NOL3: variants seen among roughly 807,000 people sequenced by gnomAD.
NOL3 encodes the protein nucleolar protein 3.
A neutral mutation model predicts 19.2 loss-of-function variants in NOL3; 18 were observed. The ratio of observed to expected loss-of-function variants is 0.94; its 90% CI spans 0.65 to 1.39. NOL3 has a LOEUF of 1.39. Ranked by LOEUF, NOL3 falls within the 40% of genes most tolerant of loss-of-function variation. The probability of loss-of-function intolerance (pLI) is 0.00; values close to 1 mark genes in which losing one functional copy is unlikely to be tolerated. For missense variants in NOL3, 290 were observed against 289.5 expected (o/e 1.00, Z -0.01); for synonymous variants, 127 against 137.3 (o/e 0.93, Z 0.52).
At chr16:67,172,428 T>C (rs1249037286) in intron 1 of NOL3, among the ~76,000 whole-genome samples, 1 of 151,530 alleles carries the variant, frequency 6.6e-6, no homozygotes, top group African/African-American at 2.4e-5. Context: ...CTAGCCAACA[T>C]AGTGAAACCC....
At chr16:67,172,167 G>T (rs2031801311) in intron 1 of NOL3, among the ~76,000 whole-genome samples, 1 of 150,650 alleles carries the variant, frequency 6.6e-6, no homozygotes, top group South Asian at 2.1e-4. Flanking sequence ...TGTGAACAAA[G>T]CCAAGGCGGG....
At chr16:67,174,983 G>A (rs1302410387) in intron 3 of NOL3, 39 bp downstream of exon 3, 1 of 1,609,702 alleles carries the variant, frequency 6.2e-7, no homozygotes, top group East Asian at 2.2e-5. Flanking sequence ...CTTGGCGGGA[G>A]GGCATGGCCT....
chr16:67,172,443 T>G (rs1321451556), intron 1 of NOL3, among the ~76,000 whole-genome samples: 1 of 151,034 alleles, frequency 6.6e-6, no homozygotes, highest in Non-Finnish European at 1.5e-5. Context: ...AAACCCCGTC[T>G]CAACTAAAAA....
chr16:67,173,994 GTGT>G, intron 1 of NOL3, 165 bp from the exon 2 acceptor site: 1 of 1,540,258 alleles, frequency 6.5e-7, no homozygotes, highest in Non-Finnish European at 8.7e-7. Flanking sequence ...CGAGTTCCCC[GTGT>G]TGGCCTCCAG....
chr16:67,173,082 C>T (rs1252561100), intron 1 of NOL3: 1 of 139,024 alleles, frequency 7.2e-6, no homozygotes, highest in African/African-American at 2.7e-5. Context: ...TGGGCAACAG[C>T]GAGACTCCAT....
At position 67,170,778 on chromosome 16, in the gene NOL3, CG is replaced by C. The variant is rs112551189; in HGVS notation, c.-9+212del. 1.4e-4 allele frequency among the ~76,000 whole-genome samples: 21 copies of C among 148,974 alleles called. No individual in the cohort carries two copies. Among genetic ancestry groups the C allele is most frequent in the Admixed American group, 9.9e-4 (15 of 15,148 alleles). On this transcript the variant is annotated intron_variant, in intron 1 of 3. Coordinates refer to ENST00000268605, the Ensembl canonical transcript of NOL3. The surrounding 1 kb of genome is among the most constrained non-coding windows in gnomAD (Gnocchi z 5.7). ...GGACTGGGTGGAGGGAGGTAAGGGG[CG>C]GGGGGGGAAAATCCGTGCAGTCGCA...
chr16:67,174,478 G>A lies in NOL3; in HGVS notation c.295+14G>A. 1 of 1,480,700 alleles carries A rather than the reference G, an allele frequency of 6.8e-7. No individual in the cohort carries two copies. The highest frequency in any genetic ancestry group is 8.9e-7 in the Non-Finnish European group (1 of 1,122,510). 91.7% of individuals were successfully genotyped at this position (1,480,700 alleles called of 1,614,324 possible). A position where few individuals can be genotyped will look rare whatever the true frequency, so the allele number is the denominator to read the frequency against. On this transcript the variant is annotated intron_variant, in intron 2 of 3. Transcript: ENST00000268605. Reference sequence around the variant, plus strand: ...ACGTGGGTCCGGGTGAGCGCGCGGGGCGGGGCCTAGGGCAGAGCAGGGACG... The same window carrying A: ...ACGTGGGTCCGGGTGAGCGCGCGGGACGGGGCCTAGGGCAGAGCAGGGACG...
At chr16:67,173,263 G>A (rs1252705906) in intron 1 of NOL3, among the ~76,000 whole-genome samples, 1 of 152,170 alleles carries the variant, frequency 6.6e-6, no homozygotes. Context: ...AGCCAGGTGG[G>A]TCAGCAGAGA....
At chr16:67,174,678 C>T (rs1265293657) in exon 3 of NOL3, 1 of 1,589,166 alleles carries the variant, frequency 6.3e-7, no homozygotes, top group Non-Finnish European at 8.6e-7. Context: ...CCGGAGGCAC[C>T]CGGCTCGGGG....
At chr16:67,171,422 C>T (rs1482666715) in intron 1 of NOL3, 1 of 152,352 alleles carries the variant, frequency 6.6e-6, no homozygotes, top group Admixed American at 6.5e-5. Flanking sequence ...TCTTAGCGAT[C>T]AGCATCAGCA....
chr16:67,174,831 C>T (rs377659624), exon 3 of NOL3: 2 of 1,603,980 alleles, frequency 1.2e-6, no homozygotes, highest in Non-Finnish European at 1.7e-6. Flanking sequence ...GAACCGGAGC[C>T]GGAGCCAGAG....
rs995141818 is a variant in NOL3 at position 67,174,479 on chromosome 16, C to T, written c.295+15C>T. On this transcript the variant is annotated intron_variant, in intron 2 of 3. Transcript: ENST00000268605. Reference sequence around the variant, plus strand: ...CGTGGGTCCGGGTGAGCGCGCGGGGCGGGGCCTAGGGCAGAGCAGGGACGG... The same window carrying T: ...CGTGGGTCCGGGTGAGCGCGCGGGGTGGGGCCTAGGGCAGAGCAGGGACGG... The T allele has an allele frequency of 1.6e-5, 24 of 1,479,394 alleles. No individual in the cohort carries two copies. The highest frequency in any genetic ancestry group is 2.0e-5 in the Non-Finnish European group (22 of 1,121,758). The allele number at this position is 1,479,394 out of a possible 1,614,324, so 91.6% of individuals were successfully genotyped here.
intron 1 of NOL3, chr16:67,171,324 C>T (rs1178045122): frequency 6.6e-6 from 1 of 152,340 alleles, no homozygotes; most frequent in Non-Finnish European, 1.5e-5. Flanking sequence ...GCCCTTGGGA[C>T]ACTTAGGCAT....
intron 1 of NOL3, chr16:67,171,728 C>T: frequency 6.6e-6 from 1 of 152,234 alleles, no homozygotes; most frequent in East Asian, 1.9e-4. Flanking sequence ...AAAATGGGAA[C>T]AGCAATCCTA....
At chr16:67,174,752 G>A (rs1242192555) in exon 3 of NOL3, 3 of 1,609,984 alleles carry the variant, frequency 1.9e-6, no homozygotes, top group Non-Finnish European at 1.7e-6. Context: ...TGAGGGCTCC[G>A]AGGCGGTGCA....
chr16:67,174,798 A>C (rs944444958), exon 3 of NOL3: 2 of 1,606,030 alleles, frequency 1.2e-6, no homozygotes, highest in African/African-American at 2.7e-5. Context: ...CCAGAGCTGG[A>C]AGCTGAGGCC....
intron 1 of NOL3, 114 bp from the exon 2 acceptor site, chr16:67,174,048 T>G: frequency 1.3e-6 from 2 of 1,559,528 alleles, no homozygotes; most frequent in South Asian, 2.3e-5. Flanking sequence ...GGGATCGAGG[T>G]GAACTTAAAC....
At chr16:67,175,322 A>C in exon 4 of NOL3, 1 of 1,378,464 alleles carries the variant, frequency 7.3e-7, no homozygotes. Flanking sequence ...ATCTGCCCTT[A>C]GGAGTCCAGG....
chr16:67,175,536 T>C (rs2032129575), exon 4 of NOL3: 1 of 178,264 alleles, frequency 5.6e-6, no homozygotes, highest in Admixed American at 5.9e-5. Flanking sequence ...GCTCACAGCC[T>C]TGGGAAGTGA....
Sources: gnomAD v4.1 joint callset for allele counts (sites outside exome capture counted in the v4.1 genomes callset) on GRCh38, gnomAD v4.1.1 for gene constraint, Gnocchi (gnomAD v3.1) non-coding constraint, MANE v1.5 for transcripts, NCBI Gene and HGNC (gene_info 2026-07-23, HGNC 2026-07-21) for gene names.